SYNPR: variants seen among roughly 807,000 people sequenced by gnomAD.
SYNPR encodes synaptoporin.
In SYNPR, 23 loss-of-function variants were observed where a neutral mutation model predicts 32.9. That is an observed-to-expected ratio of 0.70 (90% CI 0.50 to 0.99). The LOEUF (loss-of-function observed/expected upper bound fraction) is 0.99, where lower values mean the gene tolerates loss of function less well. SYNPR is among the 50% of genes least tolerant of loss of function. The pLI is 0.00. For missense variants in SYNPR, 318 were observed against 349.3 expected, an observed-to-expected ratio of 0.91 and a Z score of 0.71; for synonymous variants, 146 against 135.9, an observed-to-expected ratio of 1.07 and a Z score of -0.52.
intron 3 of SYNPR, among the ~76,000 whole-genome samples, chr3:63,494,095 CAA>C (rs1701310253): frequency 1.3e-5 from 2 of 150,902 alleles, no homozygotes; most frequent in Admixed American, 6.6e-5. Context: ...ATACTTAACA[CAA>C]TAAAAAATTT....
chr3:63,341,354 C>T (rs755436164), intron 2 of SYNPR, among the ~76,000 whole-genome samples: 4 of 152,138 alleles, frequency 2.6e-5, no homozygotes, highest in Non-Finnish European at 4.4e-5. Context: ...GTTTTCAACT[C>T]ATTTAGGTAA....
chr3:63,326,342 G>A (rs1299540839), intron 2 of SYNPR, among the ~76,000 whole-genome samples: 1 of 151,634 alleles, frequency 6.6e-6, no homozygotes, highest in Non-Finnish European at 1.5e-5. Flanking sequence ...GCTGGCCACA[G>A]GACCTCACTT....
At chr3:63,523,995 T>A (rs1413240461) in intron 3 of SYNPR, among the ~76,000 whole-genome samples, 1 of 152,020 alleles carries the variant, frequency 6.6e-6, no homozygotes, top group Non-Finnish European at 1.5e-5. Flanking sequence ...CATTAATCCA[T>A]CATCTACCAC....
At chr3:63,354,925 T>C (rs1431422578) in intron 2 of SYNPR, among the ~76,000 whole-genome samples, 2 of 152,202 alleles carry the variant, frequency 1.3e-5, no homozygotes, top group East Asian at 3.9e-4. Flanking sequence ...GGAGTACGTA[T>C]GCTTTGCCTT....
chr3:63,464,565 C>T (rs554510008), intron 2 of SYNPR, among the ~76,000 whole-genome samples: 8 of 152,204 alleles, frequency 5.3e-5, no homozygotes, highest in Admixed American at 2.0e-4. Flanking sequence ...TCCAACTCAG[C>T]GTAACTTCTC....
intron 3 of SYNPR, among the ~76,000 whole-genome samples, chr3:63,486,094 A>G (rs1701143491): frequency 6.6e-6 from 1 of 152,184 alleles, no homozygotes; most frequent in Non-Finnish European, 1.5e-5. Context: ...TTTTTAGTAG[A>G]GACAGGGTTT....
intron 4 of SYNPR, among the ~76,000 whole-genome samples, chr3:63,567,955 G>T (rs971198037): frequency 1.3e-5 from 2 of 152,134 alleles, no homozygotes; most frequent in Admixed American, 6.5e-5. Flanking sequence ...ATTGCAATGA[G>T]TTTCTTATTT....
chr3:63,578,178 A>G (rs576439467), intron 4 of SYNPR, among the ~76,000 whole-genome samples: 1 of 152,268 alleles, frequency 6.6e-6, no homozygotes, highest in Admixed American at 6.5e-5. Flanking sequence ...CCCTTGGGAT[A>G]GTGTAAGGTG....
intron 2 of SYNPR, among the ~76,000 whole-genome samples, chr3:63,350,845 C>T (rs905416475): frequency 1.3e-5 from 2 of 152,196 alleles, no homozygotes; most frequent in African/African-American, 4.8e-5. Context: ...ATGTCTATAG[C>T]TTGAATTGGC....
intron 2 of SYNPR, among the ~76,000 whole-genome samples, chr3:63,459,768 C>T (rs1052006071): frequency 6.6e-6 from 1 of 152,084 alleles, no homozygotes; most frequent in Non-Finnish European, 1.5e-5. Context: ...TCCCTAAACT[C>T]TGAACTGATT....
intron 2 of SYNPR, among the ~76,000 whole-genome samples, chr3:63,407,962 C>A (rs1221766625): frequency 6.6e-6 from 1 of 151,776 alleles, no homozygotes; most frequent in African/African-American, 2.4e-5. Context: ...CATACTAAGG[C>A]CATCTTTCTA....
At chr3:63,482,357 T>G (rs2106700051) in intron 3 of SYNPR, among the ~76,000 whole-genome samples, 1 of 152,320 alleles carries the variant, frequency 6.6e-6, no homozygotes, top group South Asian at 2.1e-4. Context: ...TCATTATATT[T>G]TTTAGTAGCA....
chr3:63,418,848 T>C (rs2088574136), intron 2 of SYNPR, among the ~76,000 whole-genome samples: 1 of 152,208 alleles, frequency 6.6e-6, no homozygotes, highest in Non-Finnish European at 1.5e-5. Context: ...CCCAGCTGAA[T>C]CATATCACTC....
intron 1 of SYNPR, among the ~76,000 whole-genome samples, chr3:63,234,827 CAT>C (rs1387240685): frequency 6.6e-6 from 1 of 152,124 alleles, no homozygotes; most frequent in Non-Finnish European, 1.5e-5. Flanking sequence ...CAGGATATGA[CAT>C]AGTTTAACGC....
At chr3:63,528,581 G>A (rs1426929391) in intron 3 of SYNPR, among the ~76,000 whole-genome samples, 1 of 152,110 alleles carries the variant, frequency 6.6e-6, no homozygotes, top group Non-Finnish European at 1.5e-5. Context: ...TGTTGTTTGA[G>A]TCAGGGTTTA....
chr3:63,345,532 C>G (rs1382139883), intron 2 of SYNPR, among the ~76,000 whole-genome samples: 1 of 152,150 alleles, frequency 6.6e-6, no homozygotes, highest in East Asian at 1.9e-4. Context: ...GAGGGGTGAC[C>G]TCCAGTGAGG....
In SYNPR at chr3:63,491,374, G is replaced by C. The variant is rs1333594054; in HGVS notation, c.209+10418G>C. ...AGGGTCCTTAAGGCAATCTGAAGAC[G>C]AGCAAGGGAGGGAAGACACCCCTAA... On this transcript the variant is annotated intron_variant, in intron 3 of 5. Transcript: ENST00000478300. Among the ~76,000 whole-genome samples the C allele has an allele frequency of 5.3e-5, 8 of 152,140 alleles. No homozygotes were observed. In the East Asian group the frequency reaches 1.6e-3, roughly 30 times the overall value.
At chr3:63,448,341 T>G (rs1700317659) in intron 2 of SYNPR, among the ~76,000 whole-genome samples, 1 of 152,220 alleles carries the variant, frequency 6.6e-6, no homozygotes, top group African/African-American at 2.4e-5. Flanking sequence ...TACCACACCT[T>G]GTCTCAATGT....
chr3:63,510,160 T>C (rs1435606849), intron 3 of SYNPR, among the ~76,000 whole-genome samples: 4 of 152,164 alleles, frequency 2.6e-5, no homozygotes, highest in Non-Finnish European at 4.4e-5. Flanking sequence ...GAAAGGATTA[T>C]GTGATAGAGT....
Sources: allele counts gnomAD v4.1 joint callset (sites outside exome capture counted in the v4.1 genomes callset), GRCh38; gene constraint gnomAD v4.1.1; transcripts MANE v1.5; gene names NCBI Gene and HGNC (gene_info 2026-07-23, HGNC 2026-07-21).